The following ASCC3 variants were observed in gnomAD, a reference collection of about 807,000 sequenced individuals.
The protein encoded by ASCC3 is ASC-1 complex subunit P200.
Under a neutral mutation model 256.3 loss-of-function variants are expected in ASCC3, and 158 were observed. That is an observed-to-expected ratio of 0.62 (90% CI 0.54 to 0.70). The LOEUF is 0.70. Ranked by LOEUF, ASCC3 falls within the 30% of genes least tolerant of loss-of-function variation. ASCC3 has a pLI of 0.00. For synonymous variants in ASCC3, 948 were observed against 883.4 expected, an observed-to-expected ratio of 1.07 and a Z score of -1.30; for missense variants, 2,259 against 2,626.0, an observed-to-expected ratio of 0.86 and a Z score of 3.05.
At chr6:100,765,292 A>C (rs1222810578) in intron 10 of ASCC3, among the ~76,000 whole-genome samples, 1 of 152,186 alleles carries the variant, frequency 6.6e-6, no homozygotes, top group Non-Finnish European at 1.5e-5. Flanking sequence ...GGCATTCCAA[A>C]GATAACCTGA....
chr6:100,799,198 T>A (rs1313974601), intron 7 of ASCC3, among the ~76,000 whole-genome samples: 1 of 151,988 alleles, frequency 6.6e-6, no homozygotes, highest in Non-Finnish European at 1.5e-5. Flanking sequence ...CTGATAAAAC[T>A]CAAAAATACA....
At chr6:100,777,672 G>T (rs1782255337) in intron 8 of ASCC3, among the ~76,000 whole-genome samples, 1 of 152,058 alleles carries the variant, frequency 6.6e-6, no homozygotes, top group Non-Finnish European at 1.5e-5. Context: ...TGAAACCTCA[G>T]TACATTCTAG....
At chr6:100,641,871 G>A (rs946556192) in intron 24 of ASCC3, among the ~76,000 whole-genome samples, 1 of 152,110 alleles carries the variant, frequency 6.6e-6, no homozygotes, top group African/African-American at 2.4e-5. Flanking sequence ...TAGGAACATG[G>A]ATGAAGCTGG....
At position 100,512,822 on chromosome 6, in the gene ASCC3, CAG is replaced by C. The variant is rs1773837037; in HGVS notation, c.6170_6171del (p.Ser2057CysfsTer11). ...DDLVEGHNELSVSTLTADKRD... is the reference protein window; with the variant it reads ...DDLVEGHNELXVSTLTADKRD... The stretch of plus-strand genomic sequence containing the variant: ...CGTTTGTCTGCAGTCAGAGTTGAGA[CAG>C]AGAGTTCATTATGTCCTTCAACTAA... On this transcript the variant is annotated frameshift_variant, in exon 40 of 42. Transcript: ENST00000369162. LOFTEE classifies it high-confidence loss of function. 2.5e-6 allele frequency: 4 copies of C among 1,614,070 alleles called. No individual in the cohort carries two copies. In the East Asian group the frequency reaches 8.9e-5, roughly 36 times the overall value.
At chr6:100,758,269 C>T (rs1430957634) in intron 10 of ASCC3, among the ~76,000 whole-genome samples, 1 of 152,126 alleles carries the variant, frequency 6.6e-6, no homozygotes, top group Non-Finnish European at 1.5e-5. Flanking sequence ...ACTTTAAGTT[C>T]AGGGATACAT....
chr6:100,697,346 GA>G (rs999123662), intron 13 of ASCC3, among the ~76,000 whole-genome samples: 1 of 151,840 alleles, frequency 6.6e-6, no homozygotes, highest in Non-Finnish European at 1.5e-5. Flanking sequence ...GGGAATCAAA[GA>G]AGATTTAAAG....
intron 3 of ASCC3, among the ~76,000 whole-genome samples, chr6:100,849,091 T>C (rs1156519728): frequency 1.3e-5 from 2 of 152,052 alleles, no homozygotes. Context: ...GGCAACAGTG[T>C]GAGACCTTGT....
Position 100,781,550 on chromosome 6 carries a change from A to AT in ASCC3, c.1396-14206dup, listed in dbSNP as rs11289263. The stretch of plus-strand genomic sequence containing the variant: ...AGGTGGGTGCCACCACGCCTGGCTA[A>AT]TTTTTTTTTTTTTTTTTTTAGTAGA... On this transcript the variant is annotated intron_variant, in intron 8 of 41. Coordinates refer to ENST00000369162, the MANE Select transcript of ASCC3 (RefSeq NM_006828.4). Among the ~76,000 whole-genome samples the AT allele has an allele frequency of 9.7e-3, 1,274 of 130,844 alleles. 17 individuals carry two copies. Among genetic ancestry groups the AT allele is most frequent in the East Asian group, 0.048 (215 of 4,438 alleles). The allele number at this position is 130,844 out of a possible 152,430, so 85.8% of individuals were successfully genotyped here.
intron 39 of ASCC3, among the ~76,000 whole-genome samples, chr6:100,514,369 A>G (rs1773918725): frequency 6.6e-6 from 1 of 152,142 alleles, no homozygotes; most frequent in Non-Finnish European, 1.5e-5. Context: ...ATTTCTGTAA[A>G]GCATTTGACT....
intron 30 of ASCC3, 65 bp from the exon 31 acceptor site, chr6:100,607,153 T>G: frequency 2.0e-6 from 3 of 1,530,282 alleles, no homozygotes; most frequent in Admixed American, 3.4e-5. Context: ...TAATTTTTCA[T>G]GTTTCAAAAA....
chr6:100,571,526 A>C (rs1023778407), intron 36 of ASCC3, among the ~76,000 whole-genome samples: 2 of 152,266 alleles, frequency 1.3e-5, no homozygotes, highest in Non-Finnish European at 2.9e-5. Context: ...CATGGCTGGA[A>C]TATAATAAGT....
Position 100,516,315 on chromosome 6 carries a change from C to A in ASCC3, c.5940G>T (p.Pro1980=). ...HHLHLFKKWK[P]IMKGPHARGR... ...CCCTAGCATGTGGGCCCTTCATAAT[C>A]GGCTTCCATTTCCTAGGAAATAATA... is the stretch of plus-strand genomic sequence containing the variant. The change falls in exon 39 of 42, where the codon CCG becomes CCT. Residue 1980 remains proline, a synonymous_variant. Coordinates refer to ENST00000369162, the MANE Select transcript of ASCC3 (RefSeq NM_006828.4). The A allele has an allele frequency of 6.2e-7, 1 of 1,613,642 alleles. No homozygotes were observed.
intron 30 of ASCC3, among the ~76,000 whole-genome samples, chr6:100,619,133 T>C (rs1043316886): frequency 6.6e-6 from 1 of 152,216 alleles, no homozygotes; most frequent in African/African-American, 2.4e-5. Flanking sequence ...CCAGAATATA[T>C]GGTTCCAGGA....
chr6:100,880,770 A>G (rs1027036415), intron 1 of ASCC3, among the ~76,000 whole-genome samples: 2 of 152,248 alleles, frequency 1.3e-5, no homozygotes, highest in Non-Finnish European at 2.9e-5. Context: ...TGCATGGGAC[A>G]GAAAAACCTC....
intron 14 of ASCC3, among the ~76,000 whole-genome samples, chr6:100,677,324 C>T (rs1263274009): frequency 6.9e-6 from 1 of 145,706 alleles, no homozygotes; most frequent in East Asian, 2.4e-4. Context: ...AAGAAATGTT[C>T]TTCTATTTTA....
chr6:100,606,833 AGGCTAAT>A lies in ASCC3; in HGVS notation c.4944_4950del (p.Leu1649GlyfsTer3). On this transcript the variant is annotated frameshift_variant, in exon 32 of 42. Transcript: ENST00000369162. ...AAATGAGCTGGAAAGTTTACACCCC[AGGCTAAT>A]GTGCTTGTAGCAATAAGAACCTAAA... The A allele has an allele frequency of 6.2e-7, 1 of 1,612,426 alleles. No individual in the cohort carries two copies. Among genetic ancestry groups the A allele is most frequent in the Non-Finnish European group, 8.5e-7 (1 of 1,179,186 alleles).
rs1769066981 is a variant in ASCC3, at chr6:100,877,922, C to T, written c.-42+3139G>A. ...AAAAACATACAAGGTGGTGACCAAA[C>T]ACAGAGCAACTTTTTCACTGGGAGT... is the stretch of plus-strand genomic sequence containing the variant. On this transcript the variant is annotated intron_variant, in intron 1 of 41. Transcript: ENST00000369162. 1.3e-5 allele frequency among the ~76,000 whole-genome samples: 2 copies of T among 152,164 alleles called. 1 individual carries two copies. The highest frequency in any genetic ancestry group is 4.1e-4 in the South Asian group (2 of 4,832).
At chr6:100,859,617 A>G (rs1223826934) in intron 3 of ASCC3, among the ~76,000 whole-genome samples, 1 of 151,998 alleles carries the variant, frequency 6.6e-6, no homozygotes, top group East Asian at 1.9e-4. Context: ...TTTAACAGCA[A>G]AATCTTACTT....
intron 39 of ASCC3, 68 bp from the exon 40 acceptor site, chr6:100,512,986 T>A: frequency 7.1e-7 from 1 of 1,417,392 alleles, no homozygotes; most frequent in Non-Finnish European, 9.7e-7. Context: ...AATTAAGAAA[T>A]AGTGTGCTTT....
Sources: gnomAD v4.1 joint callset for allele counts (sites outside exome capture counted in the v4.1 genomes callset) on GRCh38, gnomAD v4.1.1 for gene constraint, MANE v1.5 for transcripts, NCBI Gene and HGNC (gene_info 2026-07-23, HGNC 2026-07-21) for gene names.